Variants in CPNE4 observed in about 807,000 individuals in gnomAD.
CPNE4 encodes the protein copine 4.
A neutral mutation model predicts 67.9 loss-of-function variants in CPNE4; 25 were observed. That is an observed-to-expected ratio of 0.37 (90% CI 0.27 to 0.51). CPNE4 has a LOEUF of 0.51. CPNE4 is among the 20% of genes least tolerant of loss of function. CPNE4 has a pLI of 0.93. For missense variants in CPNE4, 464 were observed against 690.8 expected (o/e 0.67, Z 3.68); for synonymous variants, 242 against 244.9 (o/e 0.99, Z 0.11).
At chr3:131,978,222 A>T (rs1231152876) in intron 1 of CPNE4, among the ~76,000 whole-genome samples, 27 of 25,436 alleles carry the variant, frequency 1.1e-3, no homozygotes, top group African/African-American at 8.7e-3. Context: ...ATATATAATA[A>T]ATTTACATAT....
At chr3:131,556,957 T>G (rs1582791065) in intron 11 of CPNE4, among the ~76,000 whole-genome samples, 1 of 152,108 alleles carries the variant, frequency 6.6e-6, no homozygotes, top group African/African-American at 2.4e-5. Context: ...TTATTTCCAT[T>G]TTACAGGTAA....
At chr3:131,936,289 C>T (rs2071220390) in intron 1 of CPNE4, among the ~76,000 whole-genome samples, 1 of 151,900 alleles carries the variant, frequency 6.6e-6, no homozygotes, top group Non-Finnish European at 1.5e-5. Context: ...TAAAGGAACT[C>T]AACACTGATG....
At chr3:132,005,326 T>C (rs60291125) in intron 1 of CPNE4, among the ~76,000 whole-genome samples, 5,639 of 27,316 alleles carry the variant, frequency 0.21, 287 homozygotes, top group Non-Finnish European at 0.4. Context: ...TATATATATA[T>C]ATATATATAT....
chr3:131,812,893 G>A (rs1257116047), intron 2 of CPNE4, among the ~76,000 whole-genome samples: 1 of 152,110 alleles, frequency 6.6e-6, no homozygotes, highest in African/African-American at 2.4e-5. Flanking sequence ...CACCAGAAAG[G>A]AATAAAGGAA....
At chr3:131,952,501 G>A (rs554158603) in intron 1 of CPNE4, among the ~76,000 whole-genome samples, 1,352 of 92,206 alleles carry the variant, frequency 0.015, 14 homozygotes, top group African/African-American at 0.03. Context: ...CAGGCCAGCC[G>A]CCCCATCCGG....
At chr3:131,848,960 A>AAAAAAAAAAAC (rs2086118427) in intron 2 of CPNE4, among the ~76,000 whole-genome samples, 2 of 53,998 alleles carry the variant, frequency 3.7e-5, no homozygotes, top group African/African-American at 7.9e-5. Flanking sequence ...TGATTACAAA[A>AAAAAAAAAAAC]AAAAAAAAAA....
At chr3:131,703,136 T>G (rs2081341806) in intron 3 of CPNE4, among the ~76,000 whole-genome samples, 1 of 152,224 alleles carries the variant, frequency 6.6e-6, no homozygotes, top group Non-Finnish European at 1.5e-5. Context: ...ACTTATCATG[T>G]ACACTTTGCT....
At chr3:131,690,125 C>A (rs1006049321) in intron 5 of CPNE4, among the ~76,000 whole-genome samples, 6 of 152,130 alleles carry the variant, frequency 3.9e-5, no homozygotes, top group African/African-American at 1.4e-4. Flanking sequence ...CAAAAGCAAT[C>A]TACAGATTCA....
At chr3:131,940,303 A>G (rs1182145491) in intron 1 of CPNE4, among the ~76,000 whole-genome samples, 2 of 152,156 alleles carry the variant, frequency 1.3e-5, no homozygotes, top group African/African-American at 4.8e-5. Context: ...TAAACTGGAA[A>G]TATAGTATGA....
At position 131,575,221 on chromosome 3, in the gene CPNE4, G is replaced by A. The variant is rs552315031; in HGVS notation, c.868-91C>T. ...CCTAAAGGTTGGTGACTGATAAGCT[G>A]CTAAACCAGAGGAAAGGGCAGACAG... On this transcript the variant is annotated intron_variant, in intron 9 of 15. Coordinates refer to ENST00000429747, the MANE Select transcript of CPNE4 (RefSeq NM_130808.3). 16 of 1,064,742 alleles carry A rather than the reference G, an allele frequency of 1.5e-5. No individual in the cohort carries two copies. The East Asian group carries it at 3.9e-4, about 26-fold the overall frequency. The allele number at this position is 1,064,742 out of a possible 1,614,324, so 66.0% of individuals were successfully genotyped here.
intron 5 of CPNE4, among the ~76,000 whole-genome samples, chr3:131,692,388 A>G (rs563693844): frequency 6.6e-6 from 1 of 152,202 alleles, no homozygotes; most frequent in Non-Finnish European, 1.5e-5. Flanking sequence ...CTCAATAATT[A>G]TAATTTTCTA....
intron 2 of CPNE4, among the ~76,000 whole-genome samples, chr3:131,879,615 C>T (rs2087591868): frequency 6.6e-6 from 1 of 152,102 alleles, no homozygotes; most frequent in South Asian, 2.1e-4. Context: ...ATTCAAAGCC[C>T]ATCGGCCCCC....
intron 9 of CPNE4, among the ~76,000 whole-genome samples, chr3:131,579,386 G>A (rs892018443): frequency 4.6e-5 from 7 of 152,134 alleles, no homozygotes; most frequent in Non-Finnish European, 8.8e-5. Flanking sequence ...GGGTTTTATC[G>A]TTGTTTTCAT....
intron 2 of CPNE4, among the ~76,000 whole-genome samples, chr3:131,793,441 G>A (rs539198883): frequency 3.9e-5 from 6 of 152,188 alleles, no homozygotes; most frequent in South Asian, 4.2e-4. Flanking sequence ...ATTACTGGGA[G>A]AACCTAAAAT....
chr3:131,916,157 A>G (rs1392755478), intron 1 of CPNE4, among the ~76,000 whole-genome samples: 1 of 152,134 alleles, frequency 6.6e-6, no homozygotes, highest in Non-Finnish European at 1.5e-5. Flanking sequence ...ATGTTTTATT[A>G]TTTTGGCACT....
At chr3:131,574,330 C>T (rs1237224023) in intron 10 of CPNE4, among the ~76,000 whole-genome samples, 1 of 152,076 alleles carries the variant, frequency 6.6e-6, no homozygotes, top group East Asian at 1.9e-4. Flanking sequence ...TCACATCTGA[C>T]CAAACCTAGG....
chr3:131,868,778 T>C (rs922717840), intron 2 of CPNE4, among the ~76,000 whole-genome samples: 6 of 152,150 alleles, frequency 3.9e-5, no homozygotes, highest in African/African-American at 1.4e-4. Flanking sequence ...CAAACCCTAA[T>C]GGAACATCCA....
At chr3:131,581,486 T>C in intron 9 of CPNE4, 93 bp downstream of exon 9, 2 of 810,064 alleles carry the variant, frequency 2.5e-6, no homozygotes, top group Non-Finnish European at 4.2e-6. Context: ...ATCACATCTT[T>C]TTGATACTCT....
intron 2 of CPNE4, among the ~76,000 whole-genome samples, chr3:131,785,728 A>AT (rs2083544923): frequency 7.8e-6 from 1 of 128,766 alleles, no homozygotes; most frequent in Non-Finnish European, 1.6e-5. Flanking sequence ...GTGTTTTGTC[A>AT]TTTTGTCTGT....
Sources: allele counts gnomAD v4.1 joint callset (sites outside exome capture counted in the v4.1 genomes callset), GRCh38; gene constraint gnomAD v4.1.1; transcripts MANE v1.5; gene names NCBI Gene and HGNC (gene_info 2026-07-23, HGNC 2026-07-21).